Variants in GHR observed in about 807,000 individuals in gnomAD.
GHR encodes GH receptor.
GHR carries 35 observed loss-of-function variants against 67.1 expected under a neutral mutation model. The observed-to-expected ratio is 0.52, with a 90% confidence interval of 0.40 to 0.69. The LOEUF (loss-of-function observed/expected upper bound fraction) is 0.69. Among genes scored for constraint, GHR ranks in the 30% least tolerant of loss-of-function variants. The probability of loss-of-function intolerance (pLI) is 0.00; values close to 1 mark genes in which losing one functional copy is unlikely to be tolerated. For synonymous variants in GHR, 272 were observed against 269.1 expected (o/e 1.01, Z -0.10); for missense variants, 792 against 764.6 (o/e 1.04, Z -0.42).
chr5:42,448,447 T>G lies in GHR; in HGVS notation c.-12+24492T>G, dbSNP rs1394388437. 2.6e-5 allele frequency among the ~76,000 whole-genome samples: 4 copies of G among 152,108 alleles called. No homozygotes were observed. In the East Asian group the frequency reaches 7.7e-4, roughly 29 times the overall value. On this transcript the variant is annotated intron_variant, in intron 1 of 9. Transcript: ENST00000230882. Reference sequence around the variant, plus strand: ...GCCCACTTTTTGATGGGATTATTTGTTTTTTTCTTGCTAATTTGTTTGAGT... The same window carrying G: ...GCCCACTTTTTGATGGGATTATTTGGTTTTTTCTTGCTAATTTGTTTGAGT...
chr5:42,660,816 C>A (rs1420296884), intron 3 of GHR, among the ~76,000 whole-genome samples: 3 of 152,076 alleles, frequency 2.0e-5, no homozygotes, highest in Non-Finnish European at 4.4e-5. Flanking sequence ...CTCCGAGCTA[C>A]AGGAGGAAAT....
intron 2 of GHR, among the ~76,000 whole-genome samples, chr5:42,600,011 T>A (rs1426115114): frequency 6.6e-6 from 1 of 152,204 alleles, no homozygotes; most frequent in East Asian, 1.9e-4. Flanking sequence ...ACCAGACTTG[T>A]GTACCAGAAC....
Position 42,719,069 on chromosome 5 carries a change from T to G in GHR, c.1562T>G (p.Val521Gly). 6.2e-7 allele frequency: 1 copy of G among 1,612,360 alleles called. No individual in the cohort carries two copies. Among genetic ancestry groups the G allele is most frequent in the Non-Finnish European group, 8.5e-7 (1 of 1,178,678 alleles). ...MSQCDMHPEM[V>G]SLCQENFLMD... ...CAATGTGACATGCACCCGGAAATGG[T>G]CTCACTCTGCCAAGAAAACTTCCTT... Residue 521 changes from valine (V) to glycine (G), a missense_variant, in exon 10 of 10, where the codon GTC becomes GGC. Val to Gly is a moderately radical substitution (Grantham distance 109). Transcript: ENST00000230882.
At chr5:42,474,243 G>GAA (rs1745141760) in intron 1 of GHR, among the ~76,000 whole-genome samples, 1 of 96,522 alleles carries the variant, frequency 1.0e-5, no homozygotes, top group Non-Finnish European at 2.2e-5. Flanking sequence ...GAAAGAAAGA[G>GAA]AGAGAAAGAC....
chr5:42,678,918 AT>A lies in GHR; in HGVS notation c.137-9968del, dbSNP rs1756699302. 2.0e-5 allele frequency among the ~76,000 whole-genome samples: 3 copies of A among 149,630 alleles called. No homozygotes were observed. The South Asian group carries it at 6.3e-4, about 31-fold the overall frequency. On this transcript the variant is annotated intron_variant, in intron 3 of 9. Transcript: ENST00000230882. ...ATCATATAAATAAGTATGTGAGAAC[AT>A]TTTAAAACATTTAAAATATATTTAT...
chr5:42,686,322 C>T (rs1757138411), intron 3 of GHR, among the ~76,000 whole-genome samples: 1 of 146,878 alleles, frequency 6.8e-6, no homozygotes. Flanking sequence ...GGTACCAGTA[C>T]CATGCTGTCT....
intron 1 of GHR, among the ~76,000 whole-genome samples, chr5:42,474,463 T>C (rs1745205679): frequency 6.6e-6 from 1 of 152,134 alleles, no homozygotes. Flanking sequence ...TGGTGAGTAG[T>C]CAGGATTGGA....
chr5:42,486,907 CTAA>C (rs1327885133), intron 1 of GHR, among the ~76,000 whole-genome samples: 1 of 151,038 alleles, frequency 6.6e-6, no homozygotes, highest in African/African-American at 2.4e-5. Context: ...GTGGAAGAGA[CTAA>C]TGAGATAACA....
chr5:42,706,451 T>C (rs2111783356), intron 6 of GHR, among the ~76,000 whole-genome samples: 1 of 152,288 alleles, frequency 6.6e-6, no homozygotes, highest in East Asian at 1.9e-4. Flanking sequence ...ATCTTTGTCA[T>C]GAAACCTTTG....
chr5:42,568,549 T>C (rs1750083760), intron 2 of GHR, among the ~76,000 whole-genome samples: 1 of 152,194 alleles, frequency 6.6e-6, no homozygotes, highest in African/African-American at 2.4e-5. Flanking sequence ...TGCATAAAGA[T>C]CTAATGGATA....
intron 3 of GHR, among the ~76,000 whole-genome samples, chr5:42,661,769 G>A (rs577036479): frequency 6.6e-6 from 1 of 152,250 alleles, no homozygotes; most frequent in East Asian, 1.9e-4. Flanking sequence ...AACTTTAAAT[G>A]TAAATGGACT....
At chr5:42,478,670 A>C (rs1419370374) in intron 1 of GHR, among the ~76,000 whole-genome samples, 3 of 152,056 alleles carry the variant, frequency 2.0e-5, no homozygotes, top group Non-Finnish European at 2.9e-5. Flanking sequence ...TTCACTCATG[A>C]TTTGGCTCTC....
chr5:42,433,392 G>T (rs1433675111), intron 1 of GHR, among the ~76,000 whole-genome samples: 1 of 151,976 alleles, frequency 6.6e-6, no homozygotes, highest in Non-Finnish European at 1.5e-5. Context: ...TGTAAGTCTG[G>T]CCAGGCTAGT....
At chr5:42,486,040 G>A (rs1043401011) in intron 1 of GHR, among the ~76,000 whole-genome samples, 1 of 152,120 alleles carries the variant, frequency 6.6e-6, no homozygotes, top group East Asian at 1.9e-4. Context: ...ATAGTTTCCC[G>A]GGACTTTTCC....
chr5:42,574,970 T>A (rs1239149161), intron 2 of GHR, among the ~76,000 whole-genome samples: 1 of 152,226 alleles, frequency 6.6e-6, no homozygotes, highest in Non-Finnish European at 1.5e-5. Context: ...AAATACTATA[T>A]AAATTACTGA....
At chr5:42,698,017 C>G (rs1757760765) in intron 5 of GHR, among the ~76,000 whole-genome samples, 1 of 152,064 alleles carries the variant, frequency 6.6e-6, no homozygotes, top group Non-Finnish European at 1.5e-5. Context: ...GAGCCAAGGA[C>G]AAGTTCATTG....
At chr5:42,634,521 GCACA>G (rs10684580) in intron 3 of GHR, among the ~76,000 whole-genome samples, 2,395 of 148,916 alleles carry the variant, frequency 0.016, 97 homozygotes, top group East Asian at 0.14. Context: ...ATTGAATTTT[GCACA>G]CACACACACA....
intron 4 of GHR, among the ~76,000 whole-genome samples, chr5:42,693,484 G>A (rs574334622): frequency 1.3e-5 from 2 of 152,154 alleles, no homozygotes; most frequent in South Asian, 2.1e-4. Flanking sequence ...GCAATTCACT[G>A]TCTCAGACCC....
intron 2 of GHR, among the ~76,000 whole-genome samples, chr5:42,594,763 A>C (rs1245527369): frequency 6.6e-6 from 1 of 152,124 alleles, no homozygotes; most frequent in Non-Finnish European, 1.5e-5. Flanking sequence ...AAAGACTCCA[A>C]AGAGCTTTTG....
Sources: allele counts gnomAD v4.1 joint callset (sites outside exome capture counted in the v4.1 genomes callset), GRCh38; gene constraint gnomAD v4.1.1; transcripts MANE v1.5; gene names NCBI Gene and HGNC (gene_info 2026-07-23, HGNC 2026-07-21).